Variants in PLPPR4 observed in about 807,000 individuals in gnomAD.
PLPPR4 encodes phospholipid phosphatase related 4.
PLPPR4 carries 24 observed loss-of-function variants against 56.6 expected under a neutral mutation model. That is an observed-to-expected ratio of 0.42 (90% CI 0.31 to 0.60). PLPPR4 has a LOEUF of 0.60. Among genes scored for constraint, PLPPR4 ranks in the 20% least tolerant of loss-of-function variants. The pLI is 0.13. For missense variants in PLPPR4, 654 were observed against 885.8 expected (o/e 0.74, Z 3.32); for synonymous variants, 326 against 328.1 (o/e 0.99, Z 0.07).
At chr1:99,270,575 G>T (rs534788186) in intron 1 of PLPPR4, among the ~76,000 whole-genome samples, 12 of 152,330 alleles carry the variant, frequency 7.9e-5, no homozygotes, top group African/African-American at 2.6e-4. Context: ...CCATTGGAAA[G>T]TGTCCACAGG....
chr1:99,306,654 T>C lies in PLPPR4; in HGVS notation c.1792T>C (p.Ser598Pro). ...IPSTEGEGSG[S>P]WKWKAPEKGS... ...GTCCACTGAAGGTGAAGGCAGTGGC[T>C]CCTGGAAGTGGAAAGCCCCTGAAAA... The change falls in exon 7 of 7, where the codon TCC (serine) becomes CCC (proline). Residue 598 changes from serine to proline, a missense_variant. Ser to Pro is a moderately conservative substitution (Grantham distance 74). This residue lies in a region of PLPPR4 where 468 missense variants were observed against 554.3 expected (regional missense o/e 0.84). Coordinates refer to ENST00000370185, the MANE Select transcript of PLPPR4 (RefSeq NM_014839.5). This position sits in a 1 kb window ranked among gnomAD's most constrained non-coding sequence, Gnocchi z 4.0. 1 of 1,614,100 alleles carries C rather than the reference T, an allele frequency of 6.2e-7. No homozygotes were observed. Among genetic ancestry groups the C allele is most frequent in the Non-Finnish European group, 8.5e-7 (1 of 1,180,016 alleles).
intron 1 of PLPPR4, among the ~76,000 whole-genome samples, chr1:99,277,659 A>T (rs1250146312): frequency 1.3e-5 from 2 of 151,958 alleles, no homozygotes; most frequent in Non-Finnish European, 2.9e-5. Flanking sequence ...TTCATCATAA[A>T]TTCAATGCAT....
intron 2 of PLPPR4, among the ~76,000 whole-genome samples, chr1:99,293,535 GA>G (rs915910042): frequency 3.3e-5 from 5 of 151,072 alleles, no homozygotes; most frequent in East Asian, 1.9e-4. Context: ...TATGTGAACA[GA>G]AAAAAAAGGG....
intron 1 of PLPPR4, among the ~76,000 whole-genome samples, chr1:99,268,283 A>T (rs569755369): frequency 6.6e-6 from 1 of 152,344 alleles, no homozygotes; most frequent in Admixed American, 6.5e-5. Context: ...AAGCACAAAG[A>T]GTTGGAGGAC....
chr1:99,294,292 G>C (rs1230439203), intron 2 of PLPPR4, among the ~76,000 whole-genome samples: 2 of 152,174 alleles, frequency 1.3e-5, no homozygotes, highest in African/African-American at 4.8e-5. Context: ...GGATGGTTGG[G>C]TGATGTCAGA....
rs1464836171 is a variant in PLPPR4, at chr1:99,264,562, G to C, written c.-32G>C. On this transcript the variant is annotated 5_prime_UTR_variant, in exon 1 of 7. Transcript: ENST00000370185. Reference sequence around the variant, plus strand: ...AGCTGCGCTGTGCACACCTCGCCCGGGGGAGGACGCAGACCCGGGCAGGCG... The same window carrying C: ...AGCTGCGCTGTGCACACCTCGCCCGCGGGAGGACGCAGACCCGGGCAGGCG... 6.4e-7 allele frequency: 1 copy of C among 1,550,924 alleles called. No homozygotes were observed. Among genetic ancestry groups the C allele is most frequent in the Non-Finnish European group, 8.7e-7 (1 of 1,147,132 alleles).
At chr1:99,269,995 TTTTGTGTG>T (rs1163948174) in intron 1 of PLPPR4, among the ~76,000 whole-genome samples, 240 of 125,838 alleles carry the variant, frequency 1.9e-3, no homozygotes, top group African/African-American at 7.1e-3. Flanking sequence ...TTTTCATTCC[TTTTGTGTG>T]TGTGTGTGTG....
At chr1:99,264,731 C>T in intron 1 of PLPPR4, 60 bp downstream of exon 1, 1 of 1,528,810 alleles carries the variant, frequency 6.5e-7, no homozygotes, top group Non-Finnish European at 8.9e-7. Context: ...TGAGCGAATT[C>T]AGGTCCTGGA....
chr1:99,269,047 G>T (rs768975413), intron 1 of PLPPR4, among the ~76,000 whole-genome samples: 1 of 152,104 alleles, frequency 6.6e-6, no homozygotes, highest in Admixed American at 6.5e-5. Flanking sequence ...ACCTATATTA[G>T]GTATTTCTCC....
At chr1:99,284,193 C>CA (rs1018658573) in intron 1 of PLPPR4, among the ~76,000 whole-genome samples, 9 of 151,736 alleles carry the variant, frequency 5.9e-5, no homozygotes, top group African/African-American at 1.2e-4. Context: ...TCCTTACACT[C>CA]AAAAAAAATC....
intron 6 of PLPPR4, among the ~76,000 whole-genome samples, chr1:99,305,471 G>A (rs1442254542): frequency 6.6e-6 from 1 of 152,134 alleles, no homozygotes; most frequent in African/African-American, 2.4e-5. Context: ...AGAAAAGAAT[G>A]GGGTTCACAT....
intron 2 of PLPPR4, among the ~76,000 whole-genome samples, chr1:99,295,277 A>C (rs1341804292): frequency 6.6e-6 from 1 of 152,216 alleles, no homozygotes; most frequent in Non-Finnish European, 1.5e-5. Context: ...AAGATTCTCT[A>C]TAATTAAACA....
In PLPPR4 at chr1:99,266,427, G is replaced by A. The variant is rs182953953; in HGVS notation, c.78+1756G>A. On this transcript the variant is annotated intron_variant, in intron 1 of 6. Coordinates refer to ENST00000370185, the MANE Select transcript of PLPPR4 (RefSeq NM_014839.5). Reference sequence around the variant, plus strand: ...AAGGATGTGCCTTTACAGAATGTACGTGGGCGCTTTTGAGGCATCTTTAAC... The same window carrying A: ...AAGGATGTGCCTTTACAGAATGTACATGGGCGCTTTTGAGGCATCTTTAAC... Among the ~76,000 whole-genome samples, 347 of 152,330 alleles carry A rather than the reference G, an allele frequency of 2.3e-3. 1 individual carries two copies. The highest frequency in any genetic ancestry group is 0.017 in the Middle Eastern group (5 of 294).
chr1:99,276,270 G>A (rs1000203556), intron 1 of PLPPR4, among the ~76,000 whole-genome samples: 11 of 152,066 alleles, frequency 7.2e-5, no homozygotes, highest in South Asian at 2.1e-4. Context: ...ATGCTAGAGC[G>A]TTCTAATCTC....
chr1:99,304,198 C>T (rs1317506040), intron 6 of PLPPR4, among the ~76,000 whole-genome samples: 2 of 152,152 alleles, frequency 1.3e-5, no homozygotes, highest in Non-Finnish European at 2.9e-5. Context: ...GATTAGAGTA[C>T]TGAATTTTTT....
intron 3 of PLPPR4, among the ~76,000 whole-genome samples, chr1:99,297,387 A>T: frequency 6.6e-6 from 1 of 152,074 alleles, no homozygotes; most frequent in East Asian, 1.9e-4. Context: ...TATGAGACCT[A>T]TAGAAAATCT....
At chr1:99,283,091 C>T (rs1284646112) in intron 1 of PLPPR4, among the ~76,000 whole-genome samples, 1 of 151,452 alleles carries the variant, frequency 6.6e-6, no homozygotes, top group Non-Finnish European at 1.5e-5. Context: ...TAACTGTATT[C>T]CCAGGACCTA....
intron 2 of PLPPR4, among the ~76,000 whole-genome samples, chr1:99,291,954 T>A (rs1659632273): frequency 6.6e-6 from 1 of 151,944 alleles, no homozygotes; most frequent in Admixed American, 6.6e-5. Flanking sequence ...GTTTATAATA[T>A]ATATAAATTT....
chr1:99,307,023 C>G lies in PLPPR4; in HGVS notation c.*13C>G. 1.3e-6 allele frequency: 2 copies of G among 1,573,766 alleles called. No homozygotes were observed. The highest frequency in any genetic ancestry group is 1.7e-6 in the Non-Finnish European group (2 of 1,165,120). On this transcript the variant is annotated 3_prime_UTR_variant, in exon 7 of 7. Transcript: ENST00000370185. ...TTATAAGGATTGAGTGATGTCCATT[C>G]CATCATTAGGGCTACTCGCAAAAGA... is the stretch of plus-strand genomic sequence containing the variant.
Sources: gnomAD v4.1 joint callset for allele counts (sites outside exome capture counted in the v4.1 genomes callset) on GRCh38, gnomAD v4.1.1 for gene constraint, gnomAD v4.1.1 regional missense constraint, Gnocchi (gnomAD v3.1) non-coding constraint, MANE v1.5 for transcripts, NCBI Gene and HGNC (gene_info 2026-07-23, HGNC 2026-07-21) for gene names.